Variants in P3H2 observed in about 807,000 individuals in gnomAD.
P3H2 encodes the protein prolyl 3-hydroxylase 2, also known as leprecan-like 1.
Under a neutral mutation model 87.0 loss-of-function variants are expected in P3H2, and 80 were observed. The ratio of observed to expected loss-of-function variants is 0.92; its 90% CI spans 0.77 to 1.11. The LOEUF (loss-of-function observed/expected upper bound fraction) is 1.11, where lower values mean the gene tolerates loss of function less well. Ranked by LOEUF, P3H2 falls within the 50% of genes least tolerant of loss-of-function variation. The pLI, the probability that P3H2 is intolerant of heterozygous loss-of-function variation, is 0.00. For missense variants in P3H2, 1,001 were observed against 923.9 expected, an observed-to-expected ratio of 1.08 and a Z score of -1.08; for synonymous variants, 367 against 359.3, an observed-to-expected ratio of 1.02 and a Z score of -0.24.
At chr3:190,040,407 G>A (rs929259079) in intron 1 of P3H2, among the ~76,000 whole-genome samples, 5 of 152,186 alleles carry the variant, frequency 3.3e-5, no homozygotes, top group African/African-American at 1.2e-4. Context: ...TCCACCACCT[G>A]CAGAATAACT....
chr3:189,982,943 A>T, intron 8 of P3H2, 103 bp downstream of exon 8: 1 of 868,780 alleles, frequency 1.2e-6, no homozygotes, highest in Non-Finnish European at 2.0e-6. Context: ...CTTATTCTTT[A>T]TTTTCTAGAG....
At chr3:190,027,981 AT>A (rs1725135903) in intron 1 of P3H2, among the ~76,000 whole-genome samples, 1 of 149,608 alleles carries the variant, frequency 6.7e-6, no homozygotes. Flanking sequence ...AAAAAAAAAA[AT>A]AAAGAACCAG....
At chr3:190,083,450 G>GAA (rs1727116414) in intron 1 of P3H2, among the ~76,000 whole-genome samples, 1 of 152,032 alleles carries the variant, frequency 6.6e-6, no homozygotes, top group African/African-American at 2.4e-5. Flanking sequence ...CTAAAGACTG[G>GAA]AAAAAAATTT....
At chr3:190,089,299 C>T (rs1727334835) in intron 1 of P3H2, among the ~76,000 whole-genome samples, 1 of 152,188 alleles carries the variant, frequency 6.6e-6, no homozygotes, top group Admixed American at 6.5e-5. Context: ...AGCACACCAA[C>T]ATAGCACATG....
intron 1 of P3H2, among the ~76,000 whole-genome samples, chr3:190,050,503 G>T (rs1725947249): frequency 6.6e-6 from 1 of 152,116 alleles, no homozygotes; most frequent in Non-Finnish European, 1.5e-5. Flanking sequence ...TGCAGACTTA[G>T]ATGTCAGGTT....
intron 12 of P3H2, 66 bp downstream of exon 12, chr3:189,971,824 T>C: frequency 1.0e-6 from 1 of 958,268 alleles, no homozygotes; most frequent in Non-Finnish European, 1.7e-6. Context: ...CAGAGCACCT[T>C]TCCAGTTTTC....
At chr3:190,082,610 A>T (rs1366132557) in intron 1 of P3H2, among the ~76,000 whole-genome samples, 1 of 152,186 alleles carries the variant, frequency 6.6e-6, no homozygotes, top group Non-Finnish European at 1.5e-5. Flanking sequence ...TATACAATAC[A>T]TTATTACTAA....
At position 189,988,946 on chromosome 3, in the gene P3H2, G is replaced by A. The variant is rs377364897; in HGVS notation, c.916C>T (p.Pro306Ser). ...AACTGTAGGTAATCATAGTGCAGAGGAAGAAAATTCTCGATGGGAGAGAGG... is the reference window on the plus strand; with the variant it reads ...AACTGTAGGTAATCATAGTGCAGAGAAAGAAAATTCTCGATGGGAGAGAGG... ...GRLSPIENFL[P>S]LHYDYLQFAY... The change falls in exon 4 of 15, where the codon CCT becomes TCT. Residue 306 changes from proline (P) to serine (S), a missense_variant. Transcript: ENST00000319332. 5.0e-6 allele frequency: 8 copies of A among 1,614,148 alleles called. No individual in the cohort carries two copies. Among genetic ancestry groups the A allele is most frequent in the East Asian group, 4.5e-5 (2 of 44,888 alleles).
chr3:190,096,889 C>T (rs941107364), intron 1 of P3H2, among the ~76,000 whole-genome samples: 3 of 152,110 alleles, frequency 2.0e-5, no homozygotes, highest in African/African-American at 4.8e-5. Context: ...ATAAAAGCAG[C>T]GTCATGAGAG....
At chr3:190,120,151 A>G (rs1240063687) in intron 1 of P3H2, 101 bp downstream of exon 1, 6 of 1,404,140 alleles carry the variant, frequency 4.3e-6, no homozygotes, top group South Asian at 1.2e-5. Context: ...AGGAGACCCA[A>G]TTCGAAAGAC....
At chr3:190,089,325 A>C (rs1186620568) in intron 1 of P3H2, among the ~76,000 whole-genome samples, 1 of 152,240 alleles carries the variant, frequency 6.6e-6, no homozygotes, top group Non-Finnish European at 1.5e-5. Flanking sequence ...ATATGTAACA[A>C]ACCTGCACGT....
At chr3:190,022,825 T>C (rs1054702200) in intron 1 of P3H2, among the ~76,000 whole-genome samples, 1 of 151,894 alleles carries the variant, frequency 6.6e-6, no homozygotes, top group East Asian at 1.9e-4. Context: ...AAAAAATATA[T>C]ATATATATTT....
At chr3:190,116,245 G>C (rs1712283881) in intron 1 of P3H2, among the ~76,000 whole-genome samples, 1 of 152,162 alleles carries the variant, frequency 6.6e-6, no homozygotes, top group Non-Finnish European at 1.5e-5. Context: ...AGAAGAGGAA[G>C]AGGAAAGGTC....
chr3:190,085,842 C>G lies in P3H2; in HGVS notation c.480+34410G>C, dbSNP rs192929863. On this transcript the variant is annotated intron_variant, in intron 1 of 14. Transcript: ENST00000319332. ...TCTTTACCTTAGTTGGGTCTCAAAC[C>G]TAAAAACCCATCCTTGTATATATCC... Among the ~76,000 whole-genome samples, 124 of 152,080 alleles carry G rather than the reference C, an allele frequency of 8.2e-4. 2 individuals carry two copies. The Middle Eastern group carries it at 0.024, about 29-fold the overall frequency.
chr3:190,112,804 A>G (rs1712124361), intron 1 of P3H2, among the ~76,000 whole-genome samples: 1 of 152,018 alleles, frequency 6.6e-6, no homozygotes, highest in African/African-American at 2.4e-5. Context: ...TTTTTTAGAG[A>G]TATGTGTAGG....
At chr3:190,056,858 C>T (rs1400955143) in intron 1 of P3H2, among the ~76,000 whole-genome samples, 2 of 152,240 alleles carry the variant, frequency 1.3e-5, no homozygotes, top group African/African-American at 4.8e-5. Flanking sequence ...CTCAGATCCA[C>T]ACTCTACTCA....
chr3:189,985,028 A>T (rs1462732083), intron 6 of P3H2, among the ~76,000 whole-genome samples: 1 of 152,056 alleles, frequency 6.6e-6, no homozygotes, highest in Non-Finnish European at 1.5e-5. Context: ...GGATAACATA[A>T]TTTTAAAAGA....
At chr3:190,095,016 T>G (rs559446574) in intron 1 of P3H2, among the ~76,000 whole-genome samples, 2 of 152,148 alleles carry the variant, frequency 1.3e-5, no homozygotes, top group Non-Finnish European at 2.9e-5. Flanking sequence ...AGAGCCAGTA[T>G]TTCCCAAAGT....
At chr3:189,989,573 A>T in intron 3 of P3H2, among the ~76,000 whole-genome samples, 2 of 152,316 alleles carry the variant, frequency 1.3e-5, no homozygotes, top group Middle Eastern at 3.4e-3. Flanking sequence ...ATTGTCCTAA[A>T]AGAGAAATAA....
Sources: gnomAD v4.1 joint callset for allele counts (sites outside exome capture counted in the v4.1 genomes callset) on GRCh38, gnomAD v4.1.1 for gene constraint, MANE v1.5 for transcripts, NCBI Gene and HGNC (gene_info 2026-07-23, HGNC 2026-07-21) for gene names.